Variants in PLCL1 observed in about 807,000 individuals in gnomAD.
PLCL1 encodes inactive phospholipase C-like protein 1.
A neutral mutation model predicts 84.4 loss-of-function variants in PLCL1; 41 were observed. That is an observed-to-expected ratio of 0.49 (90% CI 0.38 to 0.63). The LOEUF (loss-of-function observed/expected upper bound fraction) is 0.63. PLCL1 is among the 30% of genes least tolerant of loss of function. The pLI, the probability that PLCL1 is intolerant of heterozygous loss-of-function variation, is 0.00. For synonymous variants in PLCL1, 490 were observed against 488.3 expected, an observed-to-expected ratio of 1.00 and a Z score of -0.05; for missense variants, 1,206 against 1,367.8, an observed-to-expected ratio of 0.88 and a Z score of 1.87.
At chr2:197,932,841 G>A (rs1574955748) in intron 1 of PLCL1, among the ~76,000 whole-genome samples, 1 of 152,282 alleles carries the variant, frequency 6.6e-6, no homozygotes, top group East Asian at 1.9e-4. Context: ...AAATAGGAGA[G>A]CATGTTAGGT....
chr2:197,895,528 G>T (rs941121888), intron 1 of PLCL1, among the ~76,000 whole-genome samples: 7 of 151,946 alleles, frequency 4.6e-5, no homozygotes, highest in Non-Finnish European at 8.8e-5. Context: ...TATAAAGCAG[G>T]TTGTAAAATA....
chr2:197,960,894 A>G (rs2105789360), intron 1 of PLCL1, among the ~76,000 whole-genome samples: 1 of 152,266 alleles, frequency 6.6e-6, no homozygotes, highest in South Asian at 2.1e-4. Flanking sequence ...GTCATCCTTC[A>G]TAAAAGTAAT....
intron 5 of PLCL1, among the ~76,000 whole-genome samples, chr2:198,139,121 C>T (rs569323298): frequency 6.6e-6 from 1 of 151,888 alleles, no homozygotes; most frequent in African/African-American, 2.4e-5. Context: ...CACCATTGCA[C>T]TCCAGCCTGG....
intron 1 of PLCL1, among the ~76,000 whole-genome samples, chr2:197,859,439 T>C (rs1266911710): frequency 6.6e-6 from 1 of 152,238 alleles, no homozygotes; most frequent in African/African-American, 2.4e-5. Context: ...AATTTTACTG[T>C]ATTTTCTTTT....
chr2:198,096,760 T>G (rs576346050), intron 3 of PLCL1, among the ~76,000 whole-genome samples: 1 of 152,252 alleles, frequency 6.6e-6, no homozygotes, highest in East Asian at 1.9e-4. Flanking sequence ...TTGGGGGTGA[T>G]TTGGAGAGCA....
chr2:197,908,449 GT>G (rs547346048), intron 1 of PLCL1, among the ~76,000 whole-genome samples: 1 of 152,176 alleles, frequency 6.6e-6, no homozygotes, highest in Non-Finnish European at 1.5e-5. Flanking sequence ...CCTAACCTCT[GT>G]CCAGTGATCC....
At chr2:197,830,689 T>A (rs1275125174) in intron 1 of PLCL1, among the ~76,000 whole-genome samples, 1 of 151,764 alleles carries the variant, frequency 6.6e-6, no homozygotes, top group Admixed American at 6.6e-5. Context: ...AAGATACACC[T>A]CGAGAAGAGC....
At chr2:198,129,154 A>G (rs1277750683) in intron 5 of PLCL1, among the ~76,000 whole-genome samples, 1 of 152,186 alleles carries the variant, frequency 6.6e-6, no homozygotes, top group Non-Finnish European at 1.5e-5. Context: ...CTGCAAAGCT[A>G]TCTCTTGTGG....
intron 1 of PLCL1, among the ~76,000 whole-genome samples, chr2:198,033,044 T>C (rs902344093): frequency 1.3e-5 from 2 of 152,200 alleles, no homozygotes; most frequent in African/African-American, 4.8e-5. Context: ...AGGCTTATCT[T>C]TCCTCTCAGC....
intron 5 of PLCL1, among the ~76,000 whole-genome samples, chr2:198,104,609 A>G (rs895807870): frequency 6.6e-6 from 1 of 152,014 alleles, no homozygotes; most frequent in Non-Finnish European, 1.5e-5. Flanking sequence ...TCTTTGAGAA[A>G]TTGTCACACT....
intron 1 of PLCL1, among the ~76,000 whole-genome samples, chr2:198,077,435 C>T (rs920320327): frequency 6.6e-6 from 1 of 152,182 alleles, no homozygotes; most frequent in Admixed American, 6.5e-5. Context: ...AGCTTATCTT[C>T]AGATCTTAAT....
chr2:198,041,358 TA>T (rs1224679033), intron 1 of PLCL1, among the ~76,000 whole-genome samples: 6 of 151,920 alleles, frequency 3.9e-5, no homozygotes, highest in African/African-American at 1.2e-4. Flanking sequence ...TTGACCGAAA[TA>T]AGTAGACAAT....
chr2:198,103,557 G>A (rs915793783), intron 4 of PLCL1, among the ~76,000 whole-genome samples: 3 of 151,878 alleles, frequency 2.0e-5, no homozygotes, highest in African/African-American at 7.3e-5. Context: ...TGTACCCATA[G>A]AATTTACTTT....
intron 5 of PLCL1, among the ~76,000 whole-genome samples, chr2:198,127,304 T>C (rs1310293580): frequency 6.6e-6 from 1 of 152,194 alleles, no homozygotes; most frequent in Non-Finnish European, 1.5e-5. Flanking sequence ...TACCAACAGA[T>C]TATTTAAACC....
chr2:197,843,371 A>C (rs1687051987), intron 1 of PLCL1, among the ~76,000 whole-genome samples: 1 of 152,198 alleles, frequency 6.6e-6, no homozygotes, highest in Non-Finnish European at 1.5e-5. Flanking sequence ...AATTAAAAGA[A>C]AACTTATATT....
Position 197,849,576 on chromosome 2 carries a change from T to C in PLCL1, c.240+44237T>C, listed in dbSNP as rs1183746116. Among the ~76,000 whole-genome samples, 13 of 152,266 alleles carry C rather than the reference T, an allele frequency of 8.5e-5. No individual in the cohort carries two copies. In the East Asian group the frequency reaches 2.5e-3, roughly 29 times the overall value. ...ATTAAAAAATAAATATTTATTGCCT[T>C]TTCTCCCCTGCTTACAAAAGCAGTA... is the stretch of plus-strand genomic sequence containing the variant. On this transcript the variant is annotated intron_variant, in intron 1 of 5. Coordinates refer to ENST00000428675, the MANE Select transcript of PLCL1 (RefSeq NM_006226.4).
chr2:197,908,655 T>C (rs1224009804), intron 1 of PLCL1, among the ~76,000 whole-genome samples: 1 of 152,236 alleles, frequency 6.6e-6, no homozygotes, highest in Non-Finnish European at 1.5e-5. Flanking sequence ...TAAATGTTAA[T>C]GAAATACCTT....
At chr2:197,849,133 C>T (rs1323713329) in intron 1 of PLCL1, among the ~76,000 whole-genome samples, 1 of 152,156 alleles carries the variant, frequency 6.6e-6, no homozygotes, top group Non-Finnish European at 1.5e-5. Context: ...TCTTCCCTGC[C>T]TTCTTTAATC....
intron 1 of PLCL1, among the ~76,000 whole-genome samples, chr2:197,915,577 G>T (rs1404227706): frequency 6.6e-6 from 1 of 151,472 alleles, no homozygotes; most frequent in East Asian, 1.9e-4. Flanking sequence ...CCAGTTCAGT[G>T]GTGCTGGGAG....
Sources: gnomAD v4.1 joint callset for allele counts (sites outside exome capture counted in the v4.1 genomes callset) on GRCh38, gnomAD v4.1.1 for gene constraint, MANE v1.5 for transcripts, NCBI Gene and HGNC (gene_info 2026-07-23, HGNC 2026-07-21) for gene names.